The following PADI3 variants were observed in gnomAD, a reference collection of about 807,000 sequenced individuals.
The protein encoded by PADI3 is protein-arginine deiminase type-3.
Under a neutral mutation model 71.5 loss-of-function variants are expected in PADI3, and 53 were observed. The observed-to-expected ratio is 0.74, with a 90% CI of 0.59 to 0.93. The LOEUF is 0.93. PADI3 is among the 40% of genes least tolerant of loss of function. The pLI is 0.00. For synonymous variants in PADI3, 361 were observed against 347.5 expected, an observed-to-expected ratio of 1.04 and a Z score of -0.43; for missense variants, 821 against 868.0, an observed-to-expected ratio of 0.95 and a Z score of 0.68.
intron 6 of PADI3, 90 bp from the exon 7 acceptor site, chr1:17,270,143 G>A: frequency 6.9e-7 from 1 of 1,446,540 alleles, no homozygotes; most frequent in Non-Finnish European, 9.3e-7. Context: ...TGGAATTTTT[G>A]GTGAGGCTGC....
chr1:17,273,869 G>C (rs747840065), intron 10 of PADI3, among the ~76,000 whole-genome samples: 49 of 152,062 alleles, frequency 3.2e-4, no homozygotes, highest in Non-Finnish European at 6.6e-4. Context: ...ACCGCTCTCT[G>C]AGCCTCAGTT....
chr1:17,276,726 C>G (rs375139870), intron 12 of PADI3, 48 bp from the exon 13 acceptor site: 1 of 1,613,362 alleles, frequency 6.2e-7, no homozygotes, highest in African/African-American at 1.3e-5. Flanking sequence ...AGCTCCAGGG[C>G]GCCATGCCAA....
chr1:17,269,146 AAGTACTAGGATTAT>A (rs1193384816), intron 6 of PADI3, among the ~76,000 whole-genome samples: 1 of 152,040 alleles, frequency 6.6e-6, no homozygotes, highest in Non-Finnish European at 1.5e-5. Flanking sequence ...TGGCCTCTCA[AAGTACTAGGATTAT>A]AGGCGTGAGA....
In PADI3 at chr1:17,270,246, G is replaced by A. The variant is rs755266036; in HGVS notation, c.666G>A (p.Val222=). ...QVFHICGPED[V]CEAYRHVLGQ... ...CTCCCCTTCCAGGTCCTGAGGATGT[G>A]TGTGAGGCCTATAGGCATGTGCTGG... is the stretch of plus-strand genomic sequence containing the variant. Residue 222 remains valine (V), a synonymous_variant, in exon 7 of 16, where the codon GTG becomes GTA. Coordinates refer to ENST00000375460, the MANE Select transcript of PADI3 (RefSeq NM_016233.2). 6.2e-7 allele frequency: 1 copy of A among 1,612,458 alleles called. No individual in the cohort carries two copies. The highest frequency in any genetic ancestry group is 8.5e-7 in the Non-Finnish European group (1 of 1,179,074).
Position 17,262,153 on chromosome 1 carries a change from C to CCCT in PADI3, c.294_295insCCT (p.Ser98_Ser99insPro), listed in dbSNP as rs2073110036. Reference sequence around the variant, plus strand: ...CACAGGTTCAGATTTCCTACCACTCCAGCCATGAGCCTCTGCCCCTGGCCT... The same window carrying CCCT: ...CACAGGTTCAGATTTCCTACCACTCCCCTAGCCATGAGCCTCTGCCCCTGGCCT... On this transcript the variant is annotated inframe_insertion, in exon 3 of 16. Coordinates refer to ENST00000375460, the MANE Select transcript of PADI3 (RefSeq NM_016233.2). 6.2e-7 allele frequency: 1 copy of CCCT among 1,613,500 alleles called. No individual in the cohort carries two copies. Among genetic ancestry groups the CCCT allele is most frequent in the African/African-American group, 1.3e-5 (1 of 74,850 alleles).
At chr1:17,276,730 A>G (rs1284404907) in intron 12 of PADI3, 44 bp from the exon 13 acceptor site, 4 of 1,613,786 alleles carry the variant, frequency 2.5e-6, no homozygotes, top group African/African-American at 1.3e-5. Context: ...CCAGGGCGCC[A>G]TGCCAAGGCA....
At chr1:17,276,937 C>T in intron 13 of PADI3, 61 bp downstream of exon 13, 2 of 1,415,308 alleles carry the variant, frequency 1.4e-6, no homozygotes, top group Non-Finnish European at 1.9e-6. Context: ...AATTAAGACA[C>T]ATCATGGCTT....
At chr1:17,255,293 AC>A in intron 1 of PADI3, among the ~76,000 whole-genome samples, 1 of 151,868 alleles carries the variant, frequency 6.6e-6, no homozygotes, top group East Asian at 1.9e-4. Context: ...ACCACATTTT[AC>A]CCCCAACTCA....
At chr1:17,265,602 G>A in intron 3 of PADI3, 57 bp from the exon 4 acceptor site, 1 of 1,492,012 alleles carries the variant, frequency 6.7e-7, no homozygotes, top group Non-Finnish European at 9.4e-7. Context: ...TGAGATCAAG[G>A]CCTGCCCTGG....
chr1:17,256,896 G>T (rs953682352), intron 1 of PADI3, among the ~76,000 whole-genome samples: 44 of 152,144 alleles, frequency 2.9e-4, no homozygotes, highest in African/African-American at 9.6e-4. Context: ...AGCCGGACAC[G>T]GTGGTGGGCT....
chr1:17,254,782 AT>A (rs1401502845), intron 1 of PADI3, among the ~76,000 whole-genome samples: 1 of 144,452 alleles, frequency 6.9e-6, no homozygotes, highest in Non-Finnish European at 1.5e-5. Context: ...CAATGGGGCT[AT>A]CTTGGCTCAC....
chr1:17,255,255 C>T (rs1430235461), intron 1 of PADI3, among the ~76,000 whole-genome samples: 1 of 152,204 alleles, frequency 6.6e-6, no homozygotes, highest in Non-Finnish European at 1.5e-5. Context: ...AGCCTTAGTC[C>T]CAGCAAACTG....
At chr1:17,276,686 G>T (rs766932776) in intron 12 of PADI3, 23 bp downstream of exon 12, 2 of 1,613,764 alleles carry the variant, frequency 1.2e-6, no homozygotes, top group African/African-American at 2.7e-5. Context: ...TGCATGACGT[G>T]TCTTTCCCTG....
In PADI3 at chr1:17,266,777, G is replaced by A. The variant is rs769850490; in HGVS notation, c.467G>A (p.Arg156His). 2.8e-5 allele frequency: 45 copies of A among 1,614,024 alleles called. No homozygotes were observed. The highest frequency in any genetic ancestry group is 1.6e-4 in the Middle Eastern group (1 of 6,084). ...YGGILLVNCD[R>H]DDPSCDVQDN... ...GGCATCTTGCTGGTGAACTGTGACC[G>A]TGATGATCCGAGCTGTGATGTCCAG... The change falls in exon 5 of 16, where the codon CGT becomes CAT. Residue 156 changes from arginine (R) to histidine (H), a missense_variant. Arg to His is a conservative substitution (Grantham distance 29). Transcript: ENST00000375460.
At chr1:17,260,113 G>T (rs764648035) in intron 2 of PADI3, among the ~76,000 whole-genome samples, 2 of 152,128 alleles carry the variant, frequency 1.3e-5, no homozygotes, top group Non-Finnish European at 2.9e-5. Flanking sequence ...GCTGAGTTGG[G>T]TCTCAGTTTC....
chr1:17,276,918 C>A, intron 13 of PADI3, 42 bp downstream of exon 13: 5 of 1,520,992 alleles, frequency 3.3e-6, no homozygotes, highest in Non-Finnish European at 4.5e-6. Flanking sequence ...CTTGCCTGCC[C>A]CTTACCCAAA....
rs541038903 is a variant in PADI3 at position 17,280,411 on chromosome 1, C to T, written c.1617C>T (p.Asn539=). 1.4e-4 allele frequency: 226 copies of T among 1,613,914 alleles called. 3 individuals are homozygous for T. The South Asian group carries it at 2.4e-3, about 17-fold the overall frequency. Residue 539 remains asparagine (N), a synonymous_variant, in exon 14 of 16, where the codon AAC becomes AAT. Coordinates refer to ENST00000375460, the MANE Select transcript of PADI3 (RefSeq NM_016233.2). Reference sequence around the variant, plus strand: ...TGCTCTCCAATAAAGACCTCATCAACTACAATAAGTTTGTGCAGGTACAAG... The same window carrying T: ...TGCTCTCCAATAAAGACCTCATCAATTACAATAAGTTTGTGCAGGTACAAG... The part of the protein sequence containing the change: ...NQVLSNKDLI[N]YNKFVQSCID...
Position 17,276,098 on chromosome 1 carries a change from GCTGAGGCGGGCAGATCA to G in PADI3, c.1308-418_1308-402del, listed in dbSNP as rs1256503581. On this transcript the variant is annotated intron_variant, in intron 11 of 15. Coordinates refer to ENST00000375460, the MANE Select transcript of PADI3 (RefSeq NM_016233.2). ...CCCTGTAATCCCAGCACTTTGTGAG[GCTGAGGCGGGCAGATCA>G]CTTGAGGTCAGGAGTTCGAGACCAG... Among the ~76,000 whole-genome samples the G allele has an allele frequency of 2.6e-5, 4 of 152,290 alleles. No individual in the cohort carries two copies. The East Asian group carries it at 7.7e-4, about 29-fold the overall frequency.
intron 1 of PADI3, among the ~76,000 whole-genome samples, chr1:17,252,845 T>A (rs1463210682): frequency 1.3e-5 from 2 of 152,198 alleles, no homozygotes; most frequent in Non-Finnish European, 2.9e-5. Context: ...CATGTGGAGA[T>A]GCTTCCTGGA....
Sources: allele counts gnomAD v4.1 joint callset (sites outside exome capture counted in the v4.1 genomes callset), GRCh38; gene constraint gnomAD v4.1.1; transcripts MANE v1.5; gene names NCBI Gene and HGNC (gene_info 2026-07-23, HGNC 2026-07-21).